The following SLC12A3 variants were observed in gnomAD, a reference collection of about 807,000 sequenced individuals.
SLC12A3 encodes the protein Na-Cl cotransporter.
In SLC12A3, 104 loss-of-function variants were observed where a neutral mutation model predicts 121.0. The ratio of observed to expected loss-of-function variants is 0.86; its 90% CI spans 0.73 to 1.01. SLC12A3 has a LOEUF of 1.01. SLC12A3 is among the 50% of genes least tolerant of loss of function. The pLI is 0.00. For missense variants in SLC12A3, 1,328 were observed against 1,356.3 expected, an observed-to-expected ratio of 0.98 and a Z score of 0.33; for synonymous variants, 536 against 533.4, an observed-to-expected ratio of 1.00 and a Z score of -0.07.
At chr16:56,907,165 CGTG>C (rs2144779097) in intron 25 of SLC12A3, 1 of 163,274 alleles carries the variant, frequency 6.1e-6, no homozygotes, top group Non-Finnish European at 1.3e-5. Context: ...CAATTAGAAA[CGTG>C]CTTGGGGCTG....
intron 8 of SLC12A3, among the ~76,000 whole-genome samples, chr16:56,877,105 C>T (rs1198875207): frequency 4.6e-5 from 7 of 152,130 alleles, no homozygotes; most frequent in East Asian, 1.9e-4. Flanking sequence ...TAAGAAAATA[C>T]GAGCGGCCGG....
intron 12 of SLC12A3, among the ~76,000 whole-genome samples, 187 bp downstream of exon 12, chr16:56,880,440 A>G (rs998396587): frequency 6.6e-6 from 1 of 152,074 alleles, no homozygotes; most frequent in Non-Finnish European, 1.5e-5. Context: ...GGGCCATGTG[A>G]TCCTTCCCCT....
At chr16:56,889,013 G>A (rs1024680903) in intron 18 of SLC12A3, among the ~76,000 whole-genome samples, 3 of 152,172 alleles carry the variant, frequency 2.0e-5, no homozygotes, top group Admixed American at 6.5e-5. Flanking sequence ...ACCTGAGGAC[G>A]GAACTCCCTG....
chr16:56,896,087 C>T (rs2144751677), intron 22 of SLC12A3, among the ~76,000 whole-genome samples: 1 of 152,310 alleles, frequency 6.6e-6, no homozygotes, highest in South Asian at 2.1e-4. Context: ...TGTTGGCAGC[C>T]CCGGGGGTCA....
intron 25 of SLC12A3, among the ~76,000 whole-genome samples, chr16:56,905,762 A>G (rs1259280206): frequency 2.0e-5 from 3 of 152,178 alleles, no homozygotes; most frequent in Admixed American, 6.5e-5. Flanking sequence ...TGTTTTTTAA[A>G]AAATCTCACA....
chr16:56,909,579 A>G (rs1346243123), intron 25 of SLC12A3, among the ~76,000 whole-genome samples: 2 of 152,124 alleles, frequency 1.3e-5, no homozygotes, highest in Admixed American at 6.5e-5. Context: ...CTGTTGCCCA[A>G]AGAGGCCCCA....
Position 56,893,469 on chromosome 16 carries a change from C to T in SLC12A3, c.2521+415C>T, listed in dbSNP as rs145327949. ...GTCACAGATAGAAAGAAAATGTCTTCGCTCCAATGGAACGAGTCCTATTAA... is the reference window on the plus strand; with the variant it reads ...GTCACAGATAGAAAGAAAATGTCTTTGCTCCAATGGAACGAGTCCTATTAA... On this transcript the variant is annotated intron_variant, in intron 21 of 25. Coordinates refer to ENST00000563236, the MANE Select transcript of SLC12A3 (RefSeq NM_001126108.2). Among the ~76,000 whole-genome samples the T allele has an allele frequency of 1.4e-3, 206 of 152,320 alleles. 2 individuals are homozygous for T. Among genetic ancestry groups the T allele is most frequent in the East Asian group, 3.5e-3 (18 of 5,182 alleles).
At chr16:56,906,068 C>T (rs543909513) in intron 25 of SLC12A3, among the ~76,000 whole-genome samples, 1 of 152,244 alleles carries the variant, frequency 6.6e-6, no homozygotes, top group South Asian at 2.1e-4. Context: ...CAACCCATTC[C>T]CAGACTTGTC....
In SLC12A3 at chr16:56,894,604, A is replaced by C. The variant is rs146730493; in HGVS notation, c.2595A>C (p.Val865=). The C allele has an allele frequency of 3.6e-5, 58 of 1,613,972 alleles. No individual in the cohort carries two copies. The highest frequency in any genetic ancestry group is 4.6e-5 in the Non-Finnish European group (54 of 1,179,998). ...GCAAATGCAAGATCCGTGTGTTCGT[A>C]GGCGGCCAGATTAACAGGATGGACC... The part of the protein sequence containing the change: ...RWSKCKIRVF[V]GGQINRMDQE... Residue 865 remains valine, a synonymous_variant, in exon 22 of 26, where the codon GTA becomes GTC. Coordinates refer to ENST00000563236, the MANE Select transcript of SLC12A3 (RefSeq NM_001126108.2).
Position 56,865,451 on chromosome 16 carries a change from C to G in SLC12A3, c.216C>G (p.Asn72Lys). Residue 72 changes from asparagine to lysine, a missense_variant, in exon 1 of 26, where the codon AAC (asparagine) becomes AAG (lysine). Asn to Lys is a moderately conservative substitution (Grantham distance 94, BLOSUM62 0). Transcript: ENST00000563236. Reference protein sequence around the residue: ...DVVPTYEHYANSTQPGEPRKV... With the variant: ...DVVPTYEHYAKSTQPGEPRKV... ...TGCCCACATATGAGCACTATGCCAA[C>G]AGCACCCAGCCTGGTGAGCCCCGGA... 1 of 1,614,142 alleles carries G rather than the reference C, an allele frequency of 6.2e-7. No homozygotes were observed. The highest frequency in any genetic ancestry group is 8.5e-7 in the Non-Finnish European group (1 of 1,180,046).
rs755819160 is a variant in SLC12A3, at chr16:56,882,494, C to T, written c.1666C>T (p.Pro556Ser). 8.7e-6 allele frequency: 14 copies of T among 1,612,636 alleles called. No homozygotes were observed. In the East Asian group the frequency reaches 1.1e-4, roughly 13 times the overall value. ...SCFHASITNS[P>S]GWRPSFQYYN... ...CTTCCACGCCTCCATCACCAACTCG[C>T]CTGGTAAGCAAACCCTTCACCCACC... Residue 556 changes from proline (P) to serine (S), a missense_variant, in exon 13 of 26, where the codon CCT becomes TCT. Coordinates refer to ENST00000563236, the MANE Select transcript of SLC12A3 (RefSeq NM_001126108.2).
intron 25 of SLC12A3, 73 bp downstream of exon 25, chr16:56,904,535 G>T: frequency 7.0e-7 from 1 of 1,436,910 alleles, no homozygotes; most frequent in Non-Finnish European, 9.8e-7. Flanking sequence ...AAGGGGCTCA[G>T]CAGGGGCACC....
intron 21 of SLC12A3, among the ~76,000 whole-genome samples, 160 bp from the exon 22 acceptor site, chr16:56,894,371 C>T (rs1334518400): frequency 3.3e-5 from 5 of 152,154 alleles, no homozygotes; most frequent in Non-Finnish European, 5.9e-5. Flanking sequence ...GCACCGTGTG[C>T]GACTTGAATT....
chr16:56,902,210 A>T, intron 23 of SLC12A3, 163 bp from the exon 24 acceptor site: 1 of 842,532 alleles, frequency 1.2e-6, no homozygotes, highest in Non-Finnish European at 1.9e-6. Context: ...CAGCCAGCAG[A>T]GCTGAATTCA....
In SLC12A3 at chr16:56,913,469, C is replaced by T. The variant is rs2055714431; in HGVS notation, c.*64C>T. 2 of 1,494,456 alleles carry T rather than the reference C, an allele frequency of 1.3e-6. No individual in the cohort carries two copies. The highest frequency in any genetic ancestry group is 1.9e-6 in the Non-Finnish European group (2 of 1,071,256). The allele number at this position is 1,494,456 out of a possible 1,614,324, so 92.6% of individuals were successfully genotyped here. ...GTGGGATAAGTTGGAACTTGATTGC[C>T]TCTAGTCCACAGGGATGAGACTCAT... On this transcript the variant is annotated 3_prime_UTR_variant, in exon 26 of 26. Transcript: ENST00000563236.
chr16:56,884,306 T>G, intron 14 of SLC12A3, 102 bp downstream of exon 14: 1 of 1,242,284 alleles, frequency 8.0e-7, no homozygotes, highest in Non-Finnish European at 1.2e-6. Flanking sequence ...TCCGGCTCTG[T>G]GCTGTCCAGG....
intron 1 of SLC12A3, among the ~76,000 whole-genome samples, chr16:56,866,054 C>G (rs536048640): frequency 6.7e-6 from 1 of 150,252 alleles, no homozygotes; most frequent in South Asian, 2.1e-4. Context: ...GGTGTGATCT[C>G]GGCTCACTGC....
chr16:56,912,367 C>A lies in SLC12A3; in HGVS notation c.2925-897C>A, dbSNP rs568819115. On this transcript the variant is annotated intron_variant, in intron 25 of 25. Coordinates refer to ENST00000563236, the MANE Select transcript of SLC12A3 (RefSeq NM_001126108.2). ...ACATGGCTGGACAGCATTCCCAGGG[C>A]ATCTTTTTATTCACGCAGCATTGCA... is the stretch of plus-strand genomic sequence containing the variant. Among the ~76,000 whole-genome samples, 10 of 152,362 alleles carry A rather than the reference C, an allele frequency of 6.6e-5. No homozygotes were observed. The East Asian group carries it at 1.7e-3, about 26-fold the overall frequency.
chr16:56,873,514 G>A (rs1567429561), intron 8 of SLC12A3, among the ~76,000 whole-genome samples: 1 of 148,008 alleles, frequency 6.8e-6, no homozygotes, highest in Admixed American at 6.8e-5. Flanking sequence ...AGCCTCCTGA[G>A]TAGCTGGGAT....
Sources: allele counts gnomAD v4.1 joint callset (sites outside exome capture counted in the v4.1 genomes callset), GRCh38; gene constraint gnomAD v4.1.1; transcripts MANE v1.5; gene names NCBI Gene and HGNC (gene_info 2026-07-23, HGNC 2026-07-21).